The following FASN variants were observed in gnomAD, a reference collection of about 807,000 sequenced individuals.
FASN encodes 3-hydroxyacyl-[acyl-carrier-protein] dehydratase.
FASN carries 50 observed loss-of-function variants against 250.0 expected under a neutral mutation model. The observed-to-expected ratio is 0.20, with a 90% CI of 0.16 to 0.25. The LOEUF (loss-of-function observed/expected upper bound fraction) is 0.25. Among genes scored for constraint, FASN ranks in the 10% least tolerant of loss-of-function variants. The probability of loss-of-function intolerance (pLI) is 1.00; values close to 1 mark genes in which losing one functional copy is unlikely to be tolerated. For synonymous variants in FASN, 1,909 were observed against 1,584.0 expected (o/e 1.21, Z -4.87); for missense variants, 3,031 against 3,498.5 (o/e 0.87, Z 3.37).
Position 82,089,246 on chromosome 17 carries a change from C to A in FASN, c.2100+4G>T. The A allele has an allele frequency of 6.2e-7, 1 of 1,612,502 alleles. No homozygotes were observed. Among genetic ancestry groups the A allele is most frequent in the Non-Finnish European group, 8.5e-7 (1 of 1,179,824 alleles). ...CCCGCACCCCCCAGGCCGTATTAGTCCACCTTCTTGAGCTCCTGCAGCAGT... is the reference window on the plus strand; with the variant it reads ...CCCGCACCCCCCAGGCCGTATTAGTACACCTTCTTGAGCTCCTGCAGCAGT... On this transcript the variant is annotated splice_donor_region_variant and intron_variant, in intron 13 of 42. Transcript: ENST00000306749.
Position 82,079,487 on chromosome 17 carries a change from A to G in FASN, c.7268T>C (p.Phe2423Ser). ...CTCAGCGGCACGCAGCTTGTAGTAG[A>G]AGGACCGGGCCGCAAAGCTCAGCTC... is the stretch of plus-strand genomic sequence containing the variant. ...RQELSFAARS[F>S]YYKLRAAEQY... is the part of the protein sequence containing the mutation. Residue 2423 changes from phenylalanine (F) to serine (S), a missense_variant, in exon 42 of 43, where the codon TTC becomes TCC. Transcript: ENST00000306749. The G allele has an allele frequency of 6.2e-7, 1 of 1,612,674 alleles. No individual in the cohort carries two copies. Among genetic ancestry groups the G allele is most frequent in the Non-Finnish European group, 8.5e-7 (1 of 1,179,956 alleles).
rs765189625 is a variant in FASN at position 82,091,421 on chromosome 17, A to G, written c.1293T>C (p.Pro431=). 1.9e-6 allele frequency: 3 copies of G among 1,604,876 alleles called. No individual in the cohort carries two copies. The highest frequency in any genetic ancestry group is 2.6e-6 in the Non-Finnish European group (3 of 1,175,850). ...GCTCCAGCAGCTTCTGCACGGCCTC[A>G]GGGGTGCGTCCGCTGGCCCGCAGCA... ...PRLLRASGRT[P]EAVQKLLEQG... Residue 431 remains proline (P), a synonymous_variant, in exon 9 of 43, where the codon CCT becomes CCC. Coordinates refer to ENST00000306749, the MANE Select transcript of FASN (RefSeq NM_004104.5).
rs41283371 is a variant in FASN, at chr17:82,093,530, G to A, written c.454+68C>T. On this transcript the variant is annotated intron_variant, in intron 4 of 42. Coordinates refer to ENST00000306749, the MANE Select transcript of FASN (RefSeq NM_004104.5). ...ACTGCACGGAGTGAGCCCACGCCACGTGGTTTCTGCTCAGCATGTGGGGAC... is the reference window on the plus strand; with the variant it reads ...ACTGCACGGAGTGAGCCCACGCCACATGGTTTCTGCTCAGCATGTGGGGAC... 1.1e-3 allele frequency: 1,782 copies of A among 1,605,928 alleles called. 4 individuals carry two copies. Among genetic ancestry groups the A allele is most frequent in the Non-Finnish European group, 1.3e-3 (1,584 of 1,175,072 alleles).
rs2033951411 is a variant in FASN at position 82,079,573 on chromosome 17, C to T, written c.7182G>A (p.Glu2394=). The T allele has an allele frequency of 3.7e-6, 6 of 1,604,332 alleles. No homozygotes were observed. The highest frequency in any genetic ancestry group is 5.1e-6 in the Non-Finnish European group (6 of 1,179,892). Residue 2394 remains glutamate, a synonymous_variant, in exon 42 of 43, where the codon GAG becomes GAA. Coordinates refer to ENST00000306749, the MANE Select transcript of FASN (RefSeq NM_004104.5). ...LEALLPLKGL[E]ERVAAAVDLI... ...GGTCCACGGCGGCTGCCACACGCTCCTCTAGGCCCTTCAGCGGCAGCAGCG... is the reference window on the plus strand; with the variant it reads ...GGTCCACGGCGGCTGCCACACGCTCTTCTAGGCCCTTCAGCGGCAGCAGCG...
At chr17:82,093,476 C>T (rs1598583973) in intron 4 of FASN, 57 bp from the exon 5 acceptor site, 1 of 1,580,896 alleles carries the variant, frequency 6.3e-7, no homozygotes, top group Non-Finnish European at 8.6e-7. Flanking sequence ...GACCCCTGAG[C>T]ACACCTCCTG....
chr17:82,090,672 C>T, intron 10 of FASN, 108 bp from the exon 11 acceptor site: 3 of 1,146,598 alleles, frequency 2.6e-6, no homozygotes. Context: ...CATCGACCCT[C>T]CCAGGTCTCC....
At position 82,089,255 on chromosome 17, in the gene FASN, T is replaced by C. The variant is rs2034160347; in HGVS notation, c.2095A>G (p.Lys699Glu). ...AIAPPLLQEL[K>E]KVIREPKPRS... ...CCCAGGCCGTATTAGTCCACCTTCT[T>C]GAGCTCCTGCAGCAGTGGGGGTGCG... is the stretch of plus-strand genomic sequence containing the variant. The change falls in exon 13 of 43, where the codon AAG becomes GAG. Residue 699 changes from lysine (K) to glutamate (E), a missense_variant. Transcript: ENST00000306749. 6.2e-7 allele frequency: 1 copy of C among 1,612,546 alleles called. No homozygotes were observed. The highest frequency in any genetic ancestry group is 8.5e-7 in the Non-Finnish European group (1 of 1,179,840).
chr17:82,096,757 G>A (rs558549377), intron 1 of FASN: 1 of 432,292 alleles, frequency 2.3e-6, no homozygotes, highest in East Asian at 4.9e-5. Flanking sequence ...GCAGTTACTG[G>A]TTTCTGCGCC....
chr17:82,095,903 C>CA (rs2034294722), intron 2 of FASN, among the ~76,000 whole-genome samples: 1 of 152,030 alleles, frequency 6.6e-6, no homozygotes, highest in Non-Finnish European at 1.5e-5. Flanking sequence ...TCAGGACAGA[C>CA]ACAGGCAGGG....
chr17:82,081,748 G>A lies in FASN; in HGVS notation c.6259C>T (p.Arg2087Cys), dbSNP rs1350305870. The change falls in exon 37 of 43, where the codon CGC (arginine) becomes TGC (cysteine). Residue 2087 changes from arginine (R) to cysteine (C), a missense_variant. Arg to Cys is a radical substitution (Grantham distance 180). Coordinates refer to ENST00000306749, the MANE Select transcript of FASN (RefSeq NM_004104.5). ...DTIVSGTLPQ[R>C]MASCLEVLDL... ...AGCACCTCCAGGCAGGACGCCATGC[G>A]CTGGGGCAGCGTGCCACTGACGATC... The A allele has an allele frequency of 5.0e-6, 8 of 1,612,668 alleles. No individual in the cohort carries two copies. Among genetic ancestry groups the A allele is most frequent in the East Asian group, 2.2e-5 (1 of 44,884 alleles).
In FASN at chr17:82,086,190, A is replaced by G. The variant is rs1598577539; in HGVS notation, c.3732+64T>C. The G allele has an allele frequency of 5.9e-6, 9 of 1,533,986 alleles. No individual in the cohort carries two copies. In the East Asian group the frequency reaches 9.8e-5, roughly 17 times the overall value. On this transcript the variant is annotated intron_variant, in intron 22 of 42. Transcript: ENST00000306749. ...CCCCGTGTCTGTGCTGTCTCCTGCA[A>G]CTGATGTCAGGGTGGGTCCTACCAT...
chr17:82,084,043 G>A lies in FASN; in HGVS notation c.5030C>T (p.Ser1677Leu), dbSNP rs897880301. 5.8e-6 allele frequency: 9 copies of A among 1,543,432 alleles called. No individual in the cohort carries two copies. Among genetic ancestry groups the A allele is most frequent in the East Asian group, 2.4e-5 (1 of 40,892 alleles). ...GATGGCGGCCTGGCCCACGCCGCCCGAGCCCGAGTGGATGAGCAGCGTCTC... is the reference window on the plus strand; with the variant it reads ...GATGGCGGCCTGGCCCACGCCGCCCAAGCCCGAGTGGATGAGCAGCGTCTC... ...PGETLLIHSG[S>L]GGVGQAAIAI... Residue 1677 changes from serine (S) to leucine (L), a missense_variant, in exon 29 of 43, where the codon TCG becomes TTG. By Grantham distance (145) the Ser-to-Leu change is moderately radical. Transcript: ENST00000306749.
rs1297737667 is a variant in FASN at position 82,087,301 on chromosome 17, G to A, written c.3223+24C>T. The A allele has an allele frequency of 1.9e-6, 3 of 1,606,602 alleles. No individual in the cohort carries two copies. The East Asian group carries it at 6.7e-5, about 36-fold the overall frequency. ...TGCGGCATACTTGGGTGGGGGCACT[G>A]GGCTGGGGCTGGGGCGGGGCTACCT... On this transcript the variant is annotated intron_variant, in intron 20 of 42. Coordinates refer to ENST00000306749, the MANE Select transcript of FASN (RefSeq NM_004104.5).
chr17:82,084,286 C>T lies in FASN; in HGVS notation c.4867G>A (p.Ala1623Thr), dbSNP rs1164297242. ...VMGLVPAKGLATSVLLSPDFL... is the reference protein window; with the variant it reads ...VMGLVPAKGLTTSVLLSPDFL... Reference sequence around the variant, plus strand: ...TCCGGTGACAGCAGGACAGAGGTGGCCAGGCCCTTGGCAGGCACCAGTCCC... The same window carrying T: ...TCCGGTGACAGCAGGACAGAGGTGGTCAGGCCCTTGGCAGGCACCAGTCCC... Residue 1623 changes from alanine (A) to threonine (T), a missense_variant, in exon 28 of 43, where the codon GCC becomes ACC. Physicochemically the swap from Ala to Thr is moderately conservative, Grantham distance 58. Coordinates refer to ENST00000306749, the MANE Select transcript of FASN (RefSeq NM_004104.5). 1 of 1,611,558 alleles carries T rather than the reference C, an allele frequency of 6.2e-7. No homozygotes were observed. The highest frequency in any genetic ancestry group is 8.5e-7 in the Non-Finnish European group (1 of 1,179,456).
rs2144781726 is a variant in FASN at position 82,081,635 on chromosome 17, C to T, written c.6372G>A (p.Gln2124=). The change falls in exon 37 of 43, where the codon CAG becomes CAA. Residue 2124 remains glutamine, a synonymous_variant. Coordinates refer to ENST00000306749, the MANE Select transcript of FASN (RefSeq NM_004104.5). ...GTGCCACGGCCTCCACCAGGTCCCG[C>T]TGGCTGTCCCTGTCCCTATAGGCCG... ...KAAAYRDRDS[Q]RDLVEAVAHI... is the part of the protein sequence containing the mutation. 2 of 1,612,766 alleles carry T rather than the reference C, an allele frequency of 1.2e-6. No individual in the cohort carries two copies. The highest frequency in any genetic ancestry group is 4.5e-5 in the East Asian group (2 of 44,880).
chr17:82,096,271 G>C lies in FASN; in HGVS notation c.127+48C>G. The C allele has an allele frequency of 2.5e-6, 4 of 1,607,256 alleles. No individual in the cohort carries two copies. The Middle Eastern group carries it at 5.0e-4, about 199-fold the overall frequency. On this transcript the variant is annotated intron_variant, in intron 2 of 42. Transcript: ENST00000306749. ...GGAGGCTGCTGTGAGGACAAAGGTG[G>C]AGATGGAGCTTCACACCCCAGGCAC...
Position 82,085,576 on chromosome 17 carries a change from A to G in FASN, c.4028T>C (p.Leu1343Pro). 6.3e-7 allele frequency: 1 copy of G among 1,596,574 alleles called. No individual in the cohort carries two copies. The highest frequency in any genetic ancestry group is 8.5e-7 in the Non-Finnish European group (1 of 1,172,364). Residue 1343 changes from leucine to proline, a missense_variant, in exon 23 of 43, where the codon CTC becomes CCC. Physicochemically the swap from Leu to Pro is moderately conservative, Grantham distance 98. Transcript: ENST00000306749. ...GTGCCCCCGGAGCAGTGTGTGCAGG[A>G]GCAGAAAGCCCCCTTCTCTCAGGGC... ...VAALREGGFL[L>P]LHTLLRGHPL... is the part of the protein sequence containing the mutation.
intron 41 of FASN, chr17:82,079,859 C>T (rs1311560993): frequency 1.6e-6 from 1 of 635,956 alleles, no homozygotes; most frequent in Non-Finnish European, 2.7e-6. Context: ...AGGTGAGTGC[C>T]ACCATGCCTG....
At position 82,085,307 on chromosome 17, in the gene FASN, G is replaced by T; in HGVS notation, c.4218C>A (p.Pro1406=). 2 of 1,611,312 alleles carry T rather than the reference G, an allele frequency of 1.2e-6. No individual in the cohort carries two copies. Among genetic ancestry groups the T allele is most frequent in the Non-Finnish European group, 1.7e-6 (2 of 1,179,440 alleles). The change falls in exon 24 of 43, where the codon CCC becomes CCA. Residue 1406 remains proline (P), a synonymous_variant. Transcript: ENST00000306749. ...YGSTLFLCRR[P]TPQDSPIFLP... is the part of the protein sequence containing the mutation. ...GGAAGATGGGGCTGTCCTGCGGGGT[G>T]GGCCGGCGGCACAGGAAGAGCGTGG... is the stretch of plus-strand genomic sequence containing the variant.
Sources: gnomAD v4.1 joint callset for allele counts (sites outside exome capture counted in the v4.1 genomes callset) on GRCh38, gnomAD v4.1.1 for gene constraint, MANE v1.5 for transcripts, NCBI Gene and HGNC (gene_info 2026-07-23, HGNC 2026-07-21) for gene names.